Variants in NDST3 observed in about 807,000 individuals in gnomAD.
The protein encoded by NDST3 is bifunctional heparan sulfate N-deacetylase/N-sulfotransferase 3.
NDST3 carries 58 observed loss-of-function variants against 96.1 expected under a neutral mutation model. The observed-to-expected ratio is 0.60, with a 90% CI of 0.49 to 0.75. The LOEUF is 0.75. NDST3 is among the 30% of genes least tolerant of loss of function. NDST3 has a pLI of 0.00. For missense variants in NDST3, 788 were observed against 1,034.2 expected, an observed-to-expected ratio of 0.76 and a Z score of 3.27; for synonymous variants, 333 against 359.7, an observed-to-expected ratio of 0.93 and a Z score of 0.84.
intron 6 of NDST3, among the ~76,000 whole-genome samples, chr4:118,221,199 T>A (rs11727684): frequency 0.17 from 25,795 of 152,008 alleles, 2,342 homozygotes; most frequent in South Asian, 0.23. Context: ...ACAAAACTGG[T>A]TGGCTGAGAG....
intron 6 of NDST3, among the ~76,000 whole-genome samples, chr4:118,153,231 C>A (rs1320206518): frequency 6.6e-6 from 1 of 152,146 alleles, no homozygotes; most frequent in African/African-American, 2.4e-5. Flanking sequence ...TTAGATGGGA[C>A]CAGCTAATTT....
chr4:118,144,720 GA>G (rs975922170), intron 6 of NDST3, among the ~76,000 whole-genome samples: 10 of 141,542 alleles, frequency 7.1e-5, no homozygotes, highest in Non-Finnish European at 1.5e-4. Flanking sequence ...ATTCAAGATG[GA>G]AAAAAAATTA....
chr4:118,156,301 C>T (rs1235316386), intron 6 of NDST3, among the ~76,000 whole-genome samples: 3 of 152,044 alleles, frequency 2.0e-5, no homozygotes, highest in Non-Finnish European at 4.4e-5. Flanking sequence ...AGAAGACATC[C>T]CCAACCCTCC....
rs1394162510 is a variant in NDST3 at position 118,159,400 on chromosome 4, G to C, written c.1539+15716G>C. On this transcript the variant is annotated intron_variant, in intron 6 of 13. Coordinates refer to ENST00000296499, the MANE Select transcript of NDST3 (RefSeq NM_004784.3). ...CTATTGCAGATGTATCCACAGACTAGAGGTGAGAGGACCTCAGAATCTCTT... is the reference window on the plus strand; with the variant it reads ...CTATTGCAGATGTATCCACAGACTACAGGTGAGAGGACCTCAGAATCTCTT... Among the ~76,000 whole-genome samples, 4 of 152,306 alleles carry C rather than the reference G, an allele frequency of 2.6e-5. No individual in the cohort carries two copies. In the East Asian group the frequency reaches 7.7e-4, roughly 29 times the overall value.
At chr4:118,092,656 T>A (rs1004190826) in intron 2 of NDST3, among the ~76,000 whole-genome samples, 1 of 151,888 alleles carries the variant, frequency 6.6e-6, no homozygotes, top group South Asian at 2.1e-4. Flanking sequence ...AAACTTCAGG[T>A]CAGAAGCATT....
intron 3 of NDST3, among the ~76,000 whole-genome samples, chr4:118,110,438 CA>C (rs893684496): frequency 8.5e-5 from 13 of 152,262 alleles, no homozygotes; most frequent in Admixed American, 5.2e-4. Flanking sequence ...CTCCAAATGT[CA>C]ATTCCCTTAT....
intron 6 of NDST3, among the ~76,000 whole-genome samples, chr4:118,169,515 C>G (rs184446915): frequency 1.3e-5 from 2 of 152,096 alleles, no homozygotes; most frequent in East Asian, 3.9e-4. Flanking sequence ...TGAAGTGGGC[C>G]GGGCACAGTG....
chr4:118,148,704 A>C (rs1170582817), intron 6 of NDST3, among the ~76,000 whole-genome samples: 1 of 152,298 alleles, frequency 6.6e-6, no homozygotes, highest in Non-Finnish European at 1.5e-5. Flanking sequence ...AAAATACTGT[A>C]ATTTTATATG....
intron 1 of NDST3, among the ~76,000 whole-genome samples, chr4:118,039,272 A>T (rs9999038): frequency 2.0e-5 from 3 of 152,046 alleles, no homozygotes; most frequent in Non-Finnish European, 4.4e-5. Flanking sequence ...ACTGCTATTC[A>T]CAATGTTTAT....
At chr4:118,095,141 T>C (rs553511237) in intron 2 of NDST3, among the ~76,000 whole-genome samples, 48 of 151,980 alleles carry the variant, frequency 3.2e-4, no homozygotes, top group Non-Finnish European at 6.8e-4. Context: ...TATGTGTAAG[T>C]GGAGACCTGA....
intron 4 of NDST3, among the ~76,000 whole-genome samples, chr4:118,130,112 T>A (rs1028158787): frequency 7.3e-5 from 11 of 151,682 alleles, no homozygotes; most frequent in Admixed American, 7.2e-4. Flanking sequence ...GGGCAACAGA[T>A]CATAGAGTCT....
chr4:118,110,865 C>T (rs548266308), intron 3 of NDST3, among the ~76,000 whole-genome samples: 4 of 152,182 alleles, frequency 2.6e-5, no homozygotes, highest in African/African-American at 9.6e-5. Context: ...CATGTACTCA[C>T]ATGTTCACTA....
In NDST3 at chr4:118,194,727, T is replaced by C. The variant is rs566309647; in HGVS notation, c.1540-29764T>C. On this transcript the variant is annotated intron_variant, in intron 6 of 13. Coordinates refer to ENST00000296499, the MANE Select transcript of NDST3 (RefSeq NM_004784.3). ...GGCGCCAACTGTGTCCCATTCTCAG[T>C]CTCCTTCATCTCCTCAACTGTCATC... 9.1e-4 allele frequency: 466 copies of C among 511,932 alleles called. No homozygotes were observed. In the South Asian group the frequency reaches 9.7e-3, roughly 11 times the overall value. The allele number at this position is 511,932 out of a possible 1,614,324, so 31.7% of individuals were successfully genotyped here.
At chr4:118,240,451 G>T in intron 10 of NDST3, 73 bp from the exon 11 acceptor site, 1 of 1,293,758 alleles carries the variant, frequency 7.7e-7, no homozygotes. Context: ...TTTGAGACTT[G>T]TCACAAAGAT....
chr4:118,073,972 G>T (rs370434964), intron 2 of NDST3, among the ~76,000 whole-genome samples: 1 of 152,104 alleles, frequency 6.6e-6, no homozygotes, highest in African/African-American at 2.4e-5. Context: ...CTGGTAGGTT[G>T]TATCTTTGTT....
chr4:118,153,715 T>C (rs1296142289), intron 6 of NDST3, among the ~76,000 whole-genome samples: 2 of 151,972 alleles, frequency 1.3e-5, no homozygotes, highest in African/African-American at 2.4e-5. Flanking sequence ...TCCCAGCTAC[T>C]TGGGAGGCTG....
At chr4:118,242,364 TGAAAG>T (rs1160529199) in intron 12 of NDST3, among the ~76,000 whole-genome samples, 1 of 152,042 alleles carries the variant, frequency 6.6e-6, no homozygotes, top group African/African-American at 2.4e-5. Flanking sequence ...AAGATTTCCC[TGAAAG>T]GAAAGTAGAG....
At position 118,207,083 on chromosome 4, in the gene NDST3, T is replaced by C. The variant is rs928666147; in HGVS notation, c.1540-17408T>C. Among the ~76,000 whole-genome samples, 3 of 142,446 alleles carry C rather than the reference T, an allele frequency of 2.1e-5. 1 individual carries two copies. Among genetic ancestry groups the C allele is most frequent in the Non-Finnish European group, 3.1e-5 (2 of 64,790 alleles). The allele number at this position is 142,446 out of a possible 152,430, so 93.5% of individuals were successfully genotyped here. A position where few individuals can be genotyped will look rare whatever the true frequency, so the allele number is the denominator to read the frequency against. On this transcript the variant is annotated intron_variant, in intron 6 of 13. Transcript: ENST00000296499. ...TGTATTAAATTTTTAAAAATTAATA[T>C]ATTAAATTGTGTACCATTTGCTTCC...
chr4:118,091,365 C>T (rs573478274), intron 2 of NDST3, among the ~76,000 whole-genome samples: 1 of 151,772 alleles, frequency 6.6e-6, no homozygotes, highest in East Asian at 1.9e-4. Context: ...GCAGATAAAC[C>T]ATAAGATCCC....
Sources: gnomAD v4.1 joint callset for allele counts (sites outside exome capture counted in the v4.1 genomes callset) on GRCh38, gnomAD v4.1.1 for gene constraint, MANE v1.5 for transcripts, NCBI Gene and HGNC (gene_info 2026-07-23, HGNC 2026-07-21) for gene names.